The following CEP83 variants were observed in gnomAD, a reference collection of about 807,000 sequenced individuals.
CEP83 encodes centrosomal protein of 83 kDa.
In CEP83, 70 loss-of-function variants were observed where a neutral mutation model predicts 101.9. The observed-to-expected ratio is 0.69, with a 90% CI of 0.57 to 0.84. The LOEUF (loss-of-function observed/expected upper bound fraction) is 0.84, where lower values mean the gene tolerates loss of function less well. Among genes scored for constraint, CEP83 ranks in the 40% least tolerant of loss-of-function variants. The pLI is 0.00. For synonymous variants in CEP83, 264 were observed against 267.9 expected (o/e 0.99, Z 0.14); for missense variants, 715 against 787.2 (o/e 0.91, Z 1.10).
chr12:94,353,476 A>G (rs2060295944), intron 11 of CEP83, among the ~76,000 whole-genome samples: 1 of 152,176 alleles, frequency 6.6e-6, no homozygotes, highest in Admixed American at 6.5e-5. Flanking sequence ...ACAGAAATCC[A>G]CCAAACCACA....
chr12:94,349,325 G>A (rs114165419), intron 11 of CEP83, among the ~76,000 whole-genome samples: 1,561 of 150,324 alleles, frequency 0.01, 36 homozygotes, highest in African/African-American at 0.035. Flanking sequence ...GTAGAATCCC[G>A]AAGCATGGAT....
Position 94,403,235 on chromosome 12 carries a change from G to A in CEP83, c.352C>T (p.Leu118=), listed in dbSNP as rs779860994. 2.3e-5 allele frequency: 36 copies of A among 1,567,746 alleles called. 3 individuals are homozygous for A. In the South Asian group the frequency reaches 4.0e-4, roughly 17 times the overall value. Reference sequence around the variant, plus strand: ...AATTCTTGTTGTATTTGGGCTCTTAGCAATTCCAATTTTTGTGGAGTTAAT... The same window carrying A: ...AATTCTTGTTGTATTTGGGCTCTTAACAATTCCAATTTTTGTGGAGTTAAT... The part of the protein sequence containing the change: ...QILTPQKLEL[L]RAQIQQELET... The change falls in exon 5 of 17, where the codon CTA becomes TTA. Residue 118 remains leucine (L), a synonymous_variant. Transcript: ENST00000397809.
chr12:94,303,694 T>TA, downstream of CEP83: 1 of 135,736 alleles, frequency 7.4e-6, no homozygotes, highest in Non-Finnish European at 1.5e-5. Flanking sequence ...TTCCTCCATC[T>TA]TTTTTTTTTT....
At chr12:94,411,398 C>G (rs1311535707) in intron 4 of CEP83, among the ~76,000 whole-genome samples, 28 of 151,986 alleles carry the variant, frequency 1.8e-4, no homozygotes, top group Non-Finnish European at 4.4e-5. Context: ...TTCTTTAATT[C>G]TGAATTTTTA....
chr12:94,400,890 G>T lies in CEP83; in HGVS notation c.509C>A (p.Ala170Glu). The T allele has an allele frequency of 6.6e-7, 1 of 1,505,372 alleles. No individual in the cohort carries two copies. The allele number at this position is 1,505,372 out of a possible 1,614,324, so 93.3% of individuals were successfully genotyped here. A position where few individuals can be genotyped will look rare whatever the true frequency, so the allele number is the denominator to read the frequency against. Residue 170 changes from alanine (A) to glutamate (E), a missense_variant, in exon 6 of 17, where the codon GCA becomes GAA. By Grantham distance (107) the Ala-to-Glu change is moderately radical. Transcript: ENST00000397809. The part of the protein sequence containing the change: ...SEFEHQKEEY[A>E]RILDEGKIKY... ...TATTTTTCCTTCATCTAAAATACGT[G>T]CATACTCTTCCTTCTGGTGTTCAAA...
At chr12:94,364,465 A>G (rs1043034727) in intron 11 of CEP83, among the ~76,000 whole-genome samples, 1 of 152,108 alleles carries the variant, frequency 6.6e-6, no homozygotes, top group Non-Finnish European at 1.5e-5. Context: ...CATACTATAA[A>G]GCCTCTATAA....
chr12:94,441,808 G>C (rs563959672), intron 1 of CEP83, among the ~76,000 whole-genome samples: 3 of 151,708 alleles, frequency 2.0e-5, no homozygotes, highest in Admixed American at 6.6e-5. Context: ...CCAGCTACTC[G>C]GGAGGCTGAG....
the CEP83 span, among the ~76,000 whole-genome samples, chr12:94,273,055 T>C: frequency 6.6e-6 from 1 of 152,190 alleles, no homozygotes. Context: ...TGGACATGCT[T>C]CTAAATCTCT....
the CEP83 span, among the ~76,000 whole-genome samples, chr12:94,278,824 C>T: frequency 6.6e-6 from 1 of 152,014 alleles, no homozygotes; most frequent in Non-Finnish European, 1.5e-5. Context: ...GGTGAAACCC[C>T]GTCTCTACTA....
intron 11 of CEP83, among the ~76,000 whole-genome samples, chr12:94,339,219 G>C (rs1451666971): frequency 6.6e-6 from 1 of 152,098 alleles, no homozygotes; most frequent in Non-Finnish European, 1.5e-5. Flanking sequence ...GCCCGCCTTG[G>C]CCTCCCAATA....
At chr12:94,386,217 C>A (rs944580254) in intron 6 of CEP83, among the ~76,000 whole-genome samples, 1 of 152,156 alleles carries the variant, frequency 6.6e-6, no homozygotes, top group Non-Finnish European at 1.5e-5. Context: ...TTTGGCCCTG[C>A]TACTGAGGCA....
At chr12:94,284,088 A>G in the CEP83 span, among the ~76,000 whole-genome samples, 1,904 of 96,594 alleles carry the variant, frequency 0.02, 18 homozygotes, top group African/African-American at 0.062. Flanking sequence ...ATGTCAGGGG[A>G]AAAAAAAAAA....
intron 4 of CEP83, among the ~76,000 whole-genome samples, chr12:94,409,253 G>A (rs1319556213): frequency 6.6e-6 from 1 of 151,696 alleles, no homozygotes; most frequent in African/African-American, 2.4e-5. Context: ...GCTTATTTTT[G>A]CCAAATAAAT....
At chr12:94,410,281 G>A (rs995901180) in intron 4 of CEP83, among the ~76,000 whole-genome samples, 11 of 152,150 alleles carry the variant, frequency 7.2e-5, no homozygotes, top group Admixed American at 2.0e-4. Flanking sequence ...TATTTACTAT[G>A]TGGAAAGTAT....
chr12:94,418,213 T>C (rs1003595892), intron 2 of CEP83, among the ~76,000 whole-genome samples: 59 of 151,976 alleles, frequency 3.9e-4, no homozygotes, highest in African/African-American at 1.4e-3. Flanking sequence ...AACACAAAAA[T>C]TAGCCAGGTG....
At chr12:94,346,573 C>T (rs2059942391) in intron 11 of CEP83, among the ~76,000 whole-genome samples, 1 of 152,108 alleles carries the variant, frequency 6.6e-6, no homozygotes, top group Non-Finnish European at 1.5e-5. Flanking sequence ...AAAACCTGGT[C>T]GATCAGAAGT....
intron 1 of CEP83, among the ~76,000 whole-genome samples, chr12:94,449,186 T>A (rs545728956): frequency 6.6e-6 from 1 of 152,238 alleles, no homozygotes; most frequent in Non-Finnish European, 1.5e-5. Context: ...TGAAATGGAC[T>A]ACACTTCCTA....
At chr12:94,317,231 C>G (rs750619291) in intron 14 of CEP83, among the ~76,000 whole-genome samples, 4 of 152,066 alleles carry the variant, frequency 2.6e-5, no homozygotes, top group Non-Finnish European at 5.9e-5. Context: ...TGAAAATGAT[C>G]TGTTCATTTC....
chr12:94,399,652 G>C (rs954016934), intron 6 of CEP83, among the ~76,000 whole-genome samples: 1 of 152,160 alleles, frequency 6.6e-6, no homozygotes, highest in East Asian at 1.9e-4. Flanking sequence ...AGGATCACTT[G>C]AGCTGAAGTT....
Sources: allele counts gnomAD v4.1 joint callset (sites outside exome capture counted in the v4.1 genomes callset), GRCh38; gene constraint gnomAD v4.1.1; transcripts MANE v1.5; gene names NCBI Gene and HGNC (gene_info 2026-07-23, HGNC 2026-07-21).